The following SIK3 variants were observed in gnomAD, a reference collection of about 807,000 sequenced individuals.
The protein encoded by SIK3 is SIK family kinase 3, also known as serine/threonine-protein kinase SIK3.
Under a neutral mutation model 144.2 loss-of-function variants are expected in SIK3, and 28 were observed. That is an observed-to-expected ratio of 0.19 (90% CI 0.14 to 0.27). The LOEUF is 0.27. SIK3 is among the 10% of genes least tolerant of loss of function. The pLI is 1.00. For synonymous variants in SIK3, 686 were observed against 676.3 expected (o/e 1.01, Z -0.22); for missense variants, 1,319 against 1,776.0 (o/e 0.74, Z 4.62).
At chr11:116,969,435 A>G (rs1949690415) in intron 1 of SIK3, among the ~76,000 whole-genome samples, 1 of 152,148 alleles carries the variant, frequency 6.6e-6, no homozygotes. Flanking sequence ...AGCTAGAAGG[A>G]AGTAAAATGT....
chr11:116,950,629 A>C (rs1948890153), intron 3 of SIK3, among the ~76,000 whole-genome samples: 1 of 152,220 alleles, frequency 6.6e-6, no homozygotes, highest in Non-Finnish European at 1.5e-5. Context: ...CAGACTTCTT[A>C]AGCCCTTCTG....
At chr11:116,976,306 G>C (rs562673300) in intron 1 of SIK3, among the ~76,000 whole-genome samples, 1 of 152,212 alleles carries the variant, frequency 6.6e-6, no homozygotes, top group Non-Finnish European at 1.5e-5. Flanking sequence ...AGGTTTGCTC[G>C]TATGTTTTCT....
At chr11:116,965,305 T>G (rs573792720) in intron 1 of SIK3, among the ~76,000 whole-genome samples, 56 of 152,084 alleles carry the variant, frequency 3.7e-4, no homozygotes, top group Non-Finnish European at 6.0e-4. Flanking sequence ...TGTTGCAAAG[T>G]GCCAACAATG....
intron 11 of SIK3, 150 bp from the exon 12 acceptor site, chr11:116,874,206 CA>C: frequency 2.4e-6 from 2 of 832,486 alleles, no homozygotes; most frequent in Non-Finnish European, 3.7e-6. Context: ...TAAAGCAAAG[CA>C]AAAGCCTAAA....
At chr11:116,878,381 C>CT (rs35807799) in intron 6 of SIK3, among the ~76,000 whole-genome samples, 10,748 of 144,232 alleles carry the variant, frequency 0.075, 806 homozygotes, top group African/African-American at 0.2. Flanking sequence ...CTCTCTCTCC[C>CT]TTTTTTTTTT....
At chr11:116,923,348 C>A (rs1189946916) in intron 4 of SIK3, among the ~76,000 whole-genome samples, 2 of 152,212 alleles carry the variant, frequency 1.3e-5, no homozygotes, top group Admixed American at 6.5e-5. Flanking sequence ...GATCAGGAAT[C>A]TGAAAGTTAC....
chr11:116,928,088 T>C (rs1947381848), intron 3 of SIK3, among the ~76,000 whole-genome samples: 1 of 152,222 alleles, frequency 6.6e-6, no homozygotes, highest in African/African-American at 2.4e-5. Flanking sequence ...AATCATTTCA[T>C]TGGCCATGTT....
intron 1 of SIK3, among the ~76,000 whole-genome samples, chr11:116,981,890 C>T (rs537552907): frequency 6.6e-5 from 10 of 152,246 alleles, no homozygotes; most frequent in African/African-American, 2.4e-4. Flanking sequence ...ATTTGATTCT[C>T]CCAGACACTG....
intron 3 of SIK3, among the ~76,000 whole-genome samples, chr11:116,947,556 T>TATGC (rs1948724340): frequency 1.5e-5 from 1 of 66,820 alleles, no homozygotes. Context: ...TGTATGTATG[T>TATGC]ATGTATGTAT....
At chr11:117,068,475 A>G (rs537974085) in intron 1 of SIK3, among the ~76,000 whole-genome samples, 59 of 152,356 alleles carry the variant, frequency 3.9e-4, no homozygotes, top group African/African-American at 1.4e-3. Context: ...GTGGTCTGGC[A>G]TGATGGCTCA....
At chr11:116,975,085 T>C (rs1209199566) in intron 1 of SIK3, among the ~76,000 whole-genome samples, 3 of 152,094 alleles carry the variant, frequency 2.0e-5, no homozygotes, top group East Asian at 1.9e-4. Flanking sequence ...GACAAATATT[T>C]AGCCCGAACG....
chr11:116,889,940 C>T (rs185587273), intron 6 of SIK3, among the ~76,000 whole-genome samples: 4 of 152,138 alleles, frequency 2.6e-5, no homozygotes, highest in Admixed American at 2.0e-4. Context: ...ACTCAAAAGC[C>T]CTAAACAAAT....
intron 1 of SIK3, among the ~76,000 whole-genome samples, chr11:117,049,166 G>T (rs1953109871): frequency 6.6e-6 from 1 of 152,202 alleles, no homozygotes; most frequent in East Asian, 1.9e-4. Flanking sequence ...GCATCTAAAA[G>T]ATTTTTAGGG....
chr11:116,972,711 C>CA (rs902582710), intron 1 of SIK3, among the ~76,000 whole-genome samples: 2 of 151,564 alleles, frequency 1.3e-5, no homozygotes, highest in African/African-American at 2.4e-5. Context: ...TATGTACCCT[C>CA]AAAAAAAATT....
At chr11:117,045,888 C>A (rs1169978647) in intron 1 of SIK3, among the ~76,000 whole-genome samples, 2 of 152,214 alleles carry the variant, frequency 1.3e-5, no homozygotes, top group Non-Finnish European at 2.9e-5. Context: ...GGTAGAAAAT[C>A]ATCCAGTTTA....
At chr11:116,850,883 C>A (rs957741148) in intron 21 of SIK3, among the ~76,000 whole-genome samples, 3 of 152,174 alleles carry the variant, frequency 2.0e-5, no homozygotes, top group Admixed American at 2.0e-4. Context: ...GTGGTGTGCA[C>A]CTGTAGTCCC....
At chr11:116,898,746 T>C (rs1280063535) in intron 4 of SIK3, among the ~76,000 whole-genome samples, 6 of 150,316 alleles carry the variant, frequency 4.0e-5, no homozygotes, top group Non-Finnish European at 8.9e-5. Flanking sequence ...CATTTTTTCA[T>C]GTGTTTTTTG....
At chr11:116,940,109 CCTAA>C (rs894793070) in intron 3 of SIK3, among the ~76,000 whole-genome samples, 2 of 152,128 alleles carry the variant, frequency 1.3e-5, no homozygotes, top group Admixed American at 6.5e-5. Context: ...ATTTACTTTA[CCTAA>C]CTATAGAAGC....
At chr11:116,974,548 A>G (rs1949882338) in intron 1 of SIK3, among the ~76,000 whole-genome samples, 1 of 151,258 alleles carries the variant, frequency 6.6e-6, no homozygotes, top group South Asian at 2.1e-4. Context: ...GTGCCACCAT[A>G]GGGGTTTCTG....
Sources: gnomAD v4.1 joint callset for allele counts (sites outside exome capture counted in the v4.1 genomes callset) on GRCh38, gnomAD v4.1.1 for gene constraint, MANE v1.5 for transcripts, NCBI Gene and HGNC (gene_info 2026-07-23, HGNC 2026-07-21) for gene names.